The following RASGRF1 variants were observed in gnomAD, a reference collection of about 807,000 sequenced individuals.
RASGRF1 encodes the protein Ras protein specific guanine nucleotide releasing factor 1.
A neutral mutation model predicts 138.7 loss-of-function variants in RASGRF1; 40 were observed. The observed-to-expected ratio is 0.29, with a 90% confidence interval of 0.22 to 0.38. The LOEUF (loss-of-function observed/expected upper bound fraction) is 0.38. Among genes scored for constraint, RASGRF1 ranks in the 10% least tolerant of loss-of-function variants. RASGRF1 has a pLI of 1.00. For missense variants in RASGRF1, 1,108 were observed against 1,650.4 expected (o/e 0.67, Z 5.69); for synonymous variants, 614 against 663.2 (o/e 0.93, Z 1.14).
intron 1 of RASGRF1, among the ~76,000 whole-genome samples, chr15:79,068,140 C>T (rs111577339): frequency 1.6e-4 from 24 of 152,232 alleles, no homozygotes; most frequent in African/African-American, 3.9e-4. Context: ...GTAGGTGGCA[C>T]GACCCCACTT....
At position 79,032,243 on chromosome 15, in the gene RASGRF1, C is replaced by G; in HGVS notation, c.1032G>C (p.Leu344=). The G allele has an allele frequency of 6.2e-7, 1 of 1,614,102 alleles. No individual in the cohort carries two copies. The highest frequency in any genetic ancestry group is 1.1e-5 in the South Asian group (1 of 91,088). ...TCTGCTTGCAGTGGGCCAGGATCTGCAGGCTGTACTGGTGGTTGCGGACGA... is the reference window on the plus strand; with the variant it reads ...TCTGCTTGCAGTGGGCCAGGATCTGGAGGCTGTACTGGTGGTTGCGGACGA... The part of the protein sequence containing the change: ...QEFVRNHQYS[L]QILAHCKQNR... Residue 344 remains leucine (L), a synonymous_variant, in exon 7 of 27, where the codon CTG becomes CTC. Coordinates refer to ENST00000558480, the MANE Select transcript of RASGRF1 (RefSeq NM_001145648.3). This position sits in a 1 kb window ranked among gnomAD's most constrained non-coding sequence, Gnocchi z 4.5.
At chr15:79,000,486 G>A (rs1178189995) in intron 16 of RASGRF1, among the ~76,000 whole-genome samples, 1 of 152,204 alleles carries the variant, frequency 6.6e-6, no homozygotes, top group Non-Finnish European at 1.5e-5. Context: ...GAATAATAGG[G>A]ATAAAGCTTC....
intron 8 of RASGRF1, among the ~76,000 whole-genome samples, chr15:79,029,915 G>A (rs1171122923): frequency 6.6e-6 from 1 of 152,180 alleles, no homozygotes; most frequent in African/African-American, 2.4e-5. Flanking sequence ...AGCTCTGTTT[G>A]CAACAGGATA....
At chr15:79,004,685 TAGG>T (rs1274038916) in intron 14 of RASGRF1, 1 of 985,690 alleles carries the variant, frequency 1.0e-6, no homozygotes, top group Admixed American at 6.1e-5. Context: ...TATGCAAACT[TAGG>T]GGGATGGGAA....
intron 2 of RASGRF1, among the ~76,000 whole-genome samples, chr15:79,060,078 G>A (rs1372517086): frequency 6.6e-6 from 1 of 151,108 alleles, no homozygotes; most frequent in Non-Finnish European, 1.5e-5. Flanking sequence ...TCCGCCTCTG[G>A]TCTTATGGCC....
At chr15:79,037,075 G>A (rs948582139) in intron 5 of RASGRF1, among the ~76,000 whole-genome samples, 2 of 152,188 alleles carry the variant, frequency 1.3e-5, no homozygotes, top group Non-Finnish European at 2.9e-5. Context: ...TGGTAAGGCT[G>A]GTTTCTGTCT....
At chr15:79,033,509 C>T (rs2057171444) in intron 6 of RASGRF1, among the ~76,000 whole-genome samples, 1 of 151,924 alleles carries the variant, frequency 6.6e-6, no homozygotes, top group African/African-American at 2.4e-5. Flanking sequence ...CCCTGGCCTC[C>T]CAAAGTGGTG....
intron 26 of RASGRF1, among the ~76,000 whole-genome samples, chr15:78,971,058 T>C (rs2055748268): frequency 1.3e-5 from 2 of 152,104 alleles, no homozygotes; most frequent in African/African-American, 2.4e-5. Context: ...GTACTTAGCA[T>C]TACACAAGCC....
At chr15:79,076,054 T>C (rs951950828) in intron 1 of RASGRF1, among the ~76,000 whole-genome samples, 1 of 152,246 alleles carries the variant, frequency 6.6e-6, no homozygotes, top group African/African-American at 2.4e-5. Flanking sequence ...CAGCTGTATA[T>C]GTGCTTTTGG....
At chr15:79,040,650 C>CGAGA (rs2057285615) in intron 5 of RASGRF1, among the ~76,000 whole-genome samples, 2 of 88,536 alleles carry the variant, frequency 2.3e-5, no homozygotes. Flanking sequence ...AGAGCGAGAG[C>CGAGA]TAGAGAGAGA....
chr15:79,067,217 C>T (rs181789972), intron 1 of RASGRF1, among the ~76,000 whole-genome samples: 161 of 152,234 alleles, frequency 1.1e-3, no homozygotes, highest in African/African-American at 3.6e-3. Context: ...GGGGCCAGGG[C>T]GAGCTCTGGG....
chr15:78,968,250 ATGTGTGTG>A (rs10529968), intron 26 of RASGRF1, among the ~76,000 whole-genome samples: 1 of 134,224 alleles, frequency 7.5e-6, no homozygotes, highest in African/African-American at 2.7e-5. Flanking sequence ...CATGACACTG[ATGTGTGTG>A]TGTGTGTGTG....
chr15:78,979,114 G>A (rs756132780), intron 24 of RASGRF1: 6 of 1,289,936 alleles, frequency 4.7e-6, no homozygotes, highest in Non-Finnish European at 6.1e-6. Context: ...ATGCACGGAG[G>A]GGGCAGCTCC....
intron 1 of RASGRF1, among the ~76,000 whole-genome samples, chr15:79,068,899 G>T (rs908060102): frequency 1.4e-4 from 22 of 152,128 alleles, no homozygotes; most frequent in African/African-American, 5.1e-4. Context: ...GCAGAGGCCA[G>T]GCGATGACCT....
chr15:79,021,647 C>G (rs914704922), intron 10 of RASGRF1, among the ~76,000 whole-genome samples: 1 of 152,196 alleles, frequency 6.6e-6, no homozygotes, highest in Admixed American at 6.5e-5. Context: ...TAGCTTATGG[C>G]TATTGGAGAC....
chr15:79,036,416 G>C (rs1250185092), intron 5 of RASGRF1, among the ~76,000 whole-genome samples: 1 of 152,166 alleles, frequency 6.6e-6, no homozygotes, highest in Non-Finnish European at 1.5e-5. Context: ...GTGTGCTCTG[G>C]GCTCCCTCCC....
intron 3 of RASGRF1, among the ~76,000 whole-genome samples, chr15:79,056,759 C>T (rs966459664): frequency 7.2e-5 from 11 of 152,166 alleles, no homozygotes; most frequent in South Asian, 2.1e-4. Context: ...TTGGCTGCTG[C>T]GGAACAAGGT....
In RASGRF1 at chr15:79,011,725, C is replaced by T. The variant is rs377712446; in HGVS notation, c.1826+3602G>A. 2.6e-5 allele frequency among the ~76,000 whole-genome samples: 4 copies of T among 152,310 alleles called. No homozygotes were observed. The East Asian group carries it at 7.7e-4, about 29-fold the overall frequency. Reference sequence around the variant, plus strand: ...CCATCAGCAGTGAAGGCTGATGTGGCAGGGAGAGAGGTGGCACAAAGAAAC... The same window carrying T: ...CCATCAGCAGTGAAGGCTGATGTGGTAGGGAGAGAGGTGGCACAAAGAAAC... On this transcript the variant is annotated intron_variant, in intron 13 of 26. Coordinates refer to ENST00000558480, the MANE Select transcript of RASGRF1 (RefSeq NM_001145648.3).
At chr15:78,975,170 C>T (rs117549155) in intron 24 of RASGRF1, among the ~76,000 whole-genome samples, 41 of 152,284 alleles carry the variant, frequency 2.7e-4, no homozygotes, top group Non-Finnish European at 5.0e-4. Context: ...GTGGGAGGAT[C>T]ACTTGAGTCC....
Sources: allele counts gnomAD v4.1 joint callset (sites outside exome capture counted in the v4.1 genomes callset), GRCh38; gene constraint gnomAD v4.1.1; non-coding constraint Gnocchi (gnomAD v3.1); transcripts MANE v1.5; gene names NCBI Gene and HGNC (gene_info 2026-07-23, HGNC 2026-07-21).